The following HDAC4 variants were observed in gnomAD, a reference collection of about 807,000 sequenced individuals.
The protein encoded by HDAC4 is histone deacetylase A.
In HDAC4, 16 loss-of-function variants were observed where a neutral mutation model predicts 135.1. The observed-to-expected ratio is 0.12, with a 90% CI of 0.08 to 0.18. The LOEUF (loss-of-function observed/expected upper bound fraction) is 0.18, where lower values mean the gene tolerates loss of function less well. Ranked by LOEUF, HDAC4 falls within the 10% of genes least tolerant of loss-of-function variation. The probability of loss-of-function intolerance (pLI) is 1.00; values close to 1 mark genes in which losing one functional copy is unlikely to be tolerated. For synonymous variants in HDAC4, 685 were observed against 653.4 expected (o/e 1.05, Z -0.74); for missense variants, 1,143 against 1,511.8 (o/e 0.76, Z 4.05).
intron 8 of HDAC4, among the ~76,000 whole-genome samples, chr2:239,143,847 G>C (rs1468627138): frequency 6.6e-6 from 1 of 152,248 alleles, no homozygotes; most frequent in Middle Eastern, 3.2e-3. Flanking sequence ...AACACTTTCT[G>C]TTGTGCAAAC....
rs1177010482 is a variant in HDAC4 at position 239,139,815 on chromosome 2, C to A, written c.866-19G>T. The A allele has an allele frequency of 5.6e-6, 9 of 1,603,418 alleles. No homozygotes were observed. Among genetic ancestry groups the A allele is most frequent in the African/African-American group, 2.8e-5 (2 of 71,998 alleles). ...GCGGAGTCTGCGGAGGCAGAAATAC[C>A]CTGGTGAGTGTTACTCCATGCGGAG... On this transcript the variant is annotated intron_variant, in intron 8 of 26. Transcript: ENST00000543185. This position sits in a 1 kb window ranked among gnomAD's most constrained non-coding sequence, Gnocchi z 5.3.
intron 2 of HDAC4, among the ~76,000 whole-genome samples, chr2:239,251,709 A>T (rs2048793825): frequency 6.6e-6 from 1 of 152,154 alleles, no homozygotes; most frequent in Non-Finnish European, 1.5e-5. Context: ...ACGCTCTCCC[A>T]CTGCACAAGG....
At chr2:239,391,087 C>T (rs1696171696) in intron 1 of HDAC4, among the ~76,000 whole-genome samples, 1 of 152,200 alleles carries the variant, frequency 6.6e-6, no homozygotes, top group Non-Finnish European at 1.5e-5. Flanking sequence ...GGCCTCGATA[C>T]GAATCACACT....
chr2:239,075,623 G>A (rs540703461), intron 22 of HDAC4, among the ~76,000 whole-genome samples: 23 of 152,320 alleles, frequency 1.5e-4, no homozygotes, highest in East Asian at 1.2e-3. Flanking sequence ...TTCTCCTCGC[G>A]GTGGCCTCTG....
intron 3 of HDAC4, among the ~76,000 whole-genome samples, chr2:239,213,851 G>A (rs150869342): frequency 6.0e-4 from 91 of 152,376 alleles, no homozygotes; most frequent in Non-Finnish European, 1.1e-3. Context: ...ACAGCTGGAT[G>A]AGGGGGACCC....
intron 4 of HDAC4, among the ~76,000 whole-genome samples, chr2:239,176,818 G>T (rs750157485): frequency 1.3e-5 from 2 of 152,168 alleles, no homozygotes; most frequent in Non-Finnish European, 2.9e-5. Flanking sequence ...AAGAAAATAC[G>T]CAAGAAGAGT....
intron 2 of HDAC4, among the ~76,000 whole-genome samples, chr2:239,335,463 T>C (rs957356771): frequency 1.7e-5 from 1 of 60,274 alleles, no homozygotes; most frequent in African/African-American, 6.3e-5. Context: ...TAGGCATAGA[T>C]AAAACTATTA....
Position 239,212,574 on chromosome 2 carries a change from A to G in HDAC4, c.95-22497T>C, listed in dbSNP as rs554473076. On this transcript the variant is annotated intron_variant, in intron 3 of 26. Transcript: ENST00000543185. ...AGCTATAAAGAGCATGTGACCCCTC[A>G]TCCCTTCTGCCCCCCATACAGGGAC... 2.6e-5 allele frequency among the ~76,000 whole-genome samples: 4 copies of G among 152,290 alleles called. 1 individual carries two copies. In the South Asian group the frequency reaches 8.3e-4, roughly 32 times the overall value.
At chr2:239,169,829 G>A (rs1024605919) in intron 5 of HDAC4, among the ~76,000 whole-genome samples, 2 of 152,092 alleles carry the variant, frequency 1.3e-5, no homozygotes, top group Admixed American at 6.6e-5. Flanking sequence ...GTCTCCTCAA[G>A]GCCTCTGCAG....
chr2:239,178,167 T>C (rs1038932669), intron 4 of HDAC4, among the ~76,000 whole-genome samples: 3 of 152,222 alleles, frequency 2.0e-5, no homozygotes, highest in Non-Finnish European at 4.4e-5. Context: ...GCCACCTGCC[T>C]GCCTGGGAGA....
At chr2:239,180,411 C>T (rs933691148) in intron 4 of HDAC4, among the ~76,000 whole-genome samples, 2 of 151,924 alleles carry the variant, frequency 1.3e-5, no homozygotes, top group African/African-American at 4.8e-5. Context: ...CACGACCACC[C>T]AGAACCACTT....
intron 2 of HDAC4, among the ~76,000 whole-genome samples, chr2:239,295,554 C>T (rs917284017): frequency 5.9e-5 from 9 of 152,066 alleles, no homozygotes; most frequent in Non-Finnish European, 1.2e-4. Context: ...GCAAACAGGT[C>T]CTCCCTTATC....
rs1692932074 is a variant in HDAC4, at chr2:239,349,118, G to A, written c.22+3560C>T. Among the ~76,000 whole-genome samples the A allele has an allele frequency of 6.6e-6, 1 of 152,188 alleles. No individual in the cohort carries two copies. Among genetic ancestry groups the A allele is most frequent in the Non-Finnish European group, 1.5e-5 (1 of 68,028 alleles). ...GAGGGCGGCACGGGCACCCACACCAGGCCACACAGGAGCAGGGCCCCCATG... is the reference window on the plus strand; with the variant it reads ...GAGGGCGGCACGGGCACCCACACCAAGCCACACAGGAGCAGGGCCCCCATG... On this transcript the variant is annotated intron_variant, in intron 2 of 26. Coordinates refer to ENST00000543185, the MANE Select transcript of HDAC4 (RefSeq NM_001378414.1). This position sits in a 1 kb window ranked among gnomAD's most constrained non-coding sequence, Gnocchi z 5.7.
chr2:239,266,078 T>C (rs1269566815), intron 2 of HDAC4, among the ~76,000 whole-genome samples: 1 of 152,134 alleles, frequency 6.6e-6, no homozygotes, highest in Non-Finnish European at 1.5e-5. Flanking sequence ...TGCTGTGGCA[T>C]CCAGAGGGGC....
intron 22 of HDAC4, among the ~76,000 whole-genome samples, chr2:239,077,678 C>G (rs1479271649): frequency 6.6e-6 from 1 of 152,220 alleles, no homozygotes; most frequent in Non-Finnish European, 1.5e-5. Flanking sequence ...CTTCATAACC[C>G]TGACTTCCTC....
chr2:239,371,144 C>T (rs1444224473), intron 1 of HDAC4, among the ~76,000 whole-genome samples: 1 of 152,226 alleles, frequency 6.6e-6, no homozygotes, highest in African/African-American at 2.4e-5. Context: ...CGCCTCAGGC[C>T]ACCTTGTCTG....
chr2:239,182,934 A>G (rs1271382043), intron 4 of HDAC4, among the ~76,000 whole-genome samples: 1 of 152,214 alleles, frequency 6.6e-6, no homozygotes, highest in African/African-American at 2.4e-5. Flanking sequence ...CTGGAATACC[A>G]AATTCAGGCT....
intron 4 of HDAC4, 53 bp from the exon 5 acceptor site, chr2:239,176,616 C>T (rs916559392): frequency 1.3e-6 from 2 of 1,551,890 alleles, no homozygotes; most frequent in Non-Finnish European, 1.8e-6. Flanking sequence ...CACACACACA[C>T]AGAGACCCAA....
intron 2 of HDAC4, among the ~76,000 whole-genome samples, chr2:239,270,717 A>C (rs2050012940): frequency 6.6e-6 from 1 of 152,228 alleles, no homozygotes; most frequent in Non-Finnish European, 1.5e-5. Flanking sequence ...GAAATCATTA[A>C]ACCATCTACT....
Sources: allele counts gnomAD v4.1 joint callset (sites outside exome capture counted in the v4.1 genomes callset), GRCh38; gene constraint gnomAD v4.1.1; non-coding constraint Gnocchi (gnomAD v3.1); transcripts MANE v1.5; gene names NCBI Gene and HGNC (gene_info 2026-07-23, HGNC 2026-07-21).